ALK: variants seen among roughly 807,000 people sequenced by gnomAD.
ALK encodes ALK tyrosine kinase receptor.
In ALK, 74 loss-of-function variants were observed where a neutral mutation model predicts 163.1. That is an observed-to-expected ratio of 0.45 (90% CI 0.38 to 0.55). The LOEUF is 0.55. Ranked by LOEUF, ALK falls within the 20% of genes least tolerant of loss-of-function variation. The probability of loss-of-function intolerance (pLI) is 0.00; values close to 1 mark genes in which losing one functional copy is unlikely to be tolerated. For synonymous variants in ALK, 960 were observed against 843.2 expected (o/e 1.14, Z -2.40); for missense variants, 2,063 against 2,105.3 (o/e 0.98, Z 0.39).
At chr2:29,713,680 G>C (rs1679169496) in intron 2 of ALK, among the ~76,000 whole-genome samples, 1 of 152,024 alleles carries the variant, frequency 6.6e-6, no homozygotes, top group Admixed American at 6.6e-5. Flanking sequence ...TTTTCTAATG[G>C]CTCACCTACT....
chr2:29,302,213 G>A (rs1363529417), intron 8 of ALK, among the ~76,000 whole-genome samples: 2 of 152,192 alleles, frequency 1.3e-5, no homozygotes, highest in African/African-American at 4.8e-5. Context: ...GGAACAAATA[G>A]GAGAATTAAA....
chr2:29,225,612 C>T, intron 18 of ALK, 47 bp from the exon 19 acceptor site: 1 of 1,516,124 alleles, frequency 6.6e-7, no homozygotes. Context: ...ACCAGGTCTC[C>T]TTTGAGTTGG....
intron 3 of ALK, among the ~76,000 whole-genome samples, chr2:29,649,747 C>A (rs991706978): frequency 1.3e-5 from 2 of 152,254 alleles, no homozygotes; most frequent in South Asian, 2.1e-4. Flanking sequence ...CTCACCTCTG[C>A]CTGGCTTGTG....
intron 1 of ALK, among the ~76,000 whole-genome samples, chr2:29,915,837 A>C (rs1044189049): frequency 7.2e-5 from 11 of 152,098 alleles, no homozygotes; most frequent in African/African-American, 2.4e-4. Context: ...TGCCTCCCAA[A>C]CCCCTGGATA....
intron 1 of ALK, among the ~76,000 whole-genome samples, chr2:29,750,427 C>A (rs1680325048): frequency 6.6e-6 from 1 of 152,076 alleles, no homozygotes; most frequent in African/African-American, 2.4e-5. Context: ...CCTTTGGAGG[C>A]CAAGGTGGGA....
intron 3 of ALK, among the ~76,000 whole-genome samples, chr2:29,597,551 G>A (rs1480345044): frequency 6.6e-6 from 1 of 152,148 alleles, no homozygotes; most frequent in Non-Finnish European, 1.5e-5. Context: ...CAGGAAAGGT[G>A]ACTCATATGG....
chr2:29,642,309 A>T (rs1047712516), intron 3 of ALK, among the ~76,000 whole-genome samples: 1 of 152,216 alleles, frequency 6.6e-6, no homozygotes, highest in African/African-American at 2.4e-5. Context: ...CCAACTTTCT[A>T]GCAGAAGCAA....
At chr2:29,234,561 G>A (rs891423560) in intron 13 of ALK, among the ~76,000 whole-genome samples, 4 of 152,014 alleles carry the variant, frequency 2.6e-5, no homozygotes, top group Non-Finnish European at 5.9e-5. Flanking sequence ...GCCTTGTAGA[G>A]TGAGCCCTGC....
At chr2:29,229,930 T>C (rs1018132194) in intron 15 of ALK, among the ~76,000 whole-genome samples, 1 of 152,180 alleles carries the variant, frequency 6.6e-6, no homozygotes, top group Non-Finnish European at 1.5e-5. Context: ...TGGGGCTGCT[T>C]TGGGCTCTTA....
intron 1 of ALK, among the ~76,000 whole-genome samples, chr2:29,819,101 C>G (rs1324713619): frequency 6.6e-6 from 1 of 152,186 alleles, no homozygotes; most frequent in Non-Finnish European, 1.5e-5. Flanking sequence ...TCCCTCCAAT[C>G]AGGATCATCA....
rs751768897 is a variant in ALK at position 29,665,306 on chromosome 2, G to T, written c.952+29544C>A. Among the ~76,000 whole-genome samples, 4 of 151,720 alleles carry T rather than the reference G, an allele frequency of 2.6e-5. No individual in the cohort carries two copies. The South Asian group carries it at 8.3e-4, about 32-fold the overall frequency. On this transcript the variant is annotated intron_variant, in intron 3 of 28. Coordinates refer to ENST00000389048, the MANE Select transcript of ALK (RefSeq NM_004304.5). ...CTGGCCTCTGCTCCTCTTTGAGGCT[G>T]GCTTCCACAACCCCTGACCCTCCTA... is the stretch of plus-strand genomic sequence containing the variant.
intron 1 of ALK, among the ~76,000 whole-genome samples, chr2:29,851,894 C>T (rs1666003532): frequency 6.6e-6 from 1 of 152,300 alleles, no homozygotes; most frequent in East Asian, 1.9e-4. Context: ...TACAGATGGA[C>T]CAGCCAAGAT....
At chr2:29,890,375 T>C (rs1362575289) in intron 1 of ALK, 1 of 152,172 alleles carries the variant, frequency 6.6e-6, no homozygotes, top group Non-Finnish European at 1.5e-5. Flanking sequence ...TTCTATGCCC[T>C]GAGTTTTCTA....
At chr2:29,267,730 T>TA (rs1440501957) in intron 11 of ALK, among the ~76,000 whole-genome samples, 8 of 152,162 alleles carry the variant, frequency 5.3e-5, no homozygotes, top group South Asian at 2.1e-4. Flanking sequence ...CCGGATGAAT[T>TA]AAAAAAAATG....
intron 4 of ALK, among the ~76,000 whole-genome samples, chr2:29,487,198 G>T (rs898065253): frequency 6.6e-6 from 1 of 152,204 alleles, no homozygotes; most frequent in African/African-American, 2.4e-5. Flanking sequence ...AGAATTGCCA[G>T]TTTGGGAGTA....
At position 29,324,887 on chromosome 2, in the gene ALK, G is replaced by C. The variant is rs1333329412; in HGVS notation, c.1414+3463C>G. 2.0e-5 allele frequency among the ~76,000 whole-genome samples: 3 copies of C among 152,124 alleles called. No homozygotes were observed. In the East Asian group the frequency reaches 5.8e-4, roughly 29 times the overall value. Reference sequence around the variant, plus strand: ...GGAGAGAGTACAGTGGACATATGAGGATCATGATTGGCTAGAAAAAGGCAA... The same window carrying C: ...GGAGAGAGTACAGTGGACATATGAGCATCATGATTGGCTAGAAAAAGGCAA... On this transcript the variant is annotated intron_variant, in intron 6 of 28. Transcript: ENST00000389048.
chr2:29,254,184 A>G (rs1177509313), intron 11 of ALK, among the ~76,000 whole-genome samples: 1 of 152,216 alleles, frequency 6.6e-6, no homozygotes, highest in Non-Finnish European at 1.5e-5. Flanking sequence ...CTCTCCAGCC[A>G]TGCTGAACTG....
chr2:29,276,933 T>C (rs953211448), intron 9 of ALK, among the ~76,000 whole-genome samples: 4 of 152,130 alleles, frequency 2.6e-5, no homozygotes, highest in African/African-American at 4.8e-5. Context: ...TCTATAAATC[T>C]GTTGGAAGTC....
chr2:29,481,720 G>A (rs1671663160), intron 4 of ALK, among the ~76,000 whole-genome samples: 1 of 152,012 alleles, frequency 6.6e-6, no homozygotes, highest in Admixed American at 6.6e-5. Context: ...TGGCTTTCTG[G>A]GACTTCTCTC....
Sources: allele counts gnomAD v4.1 joint callset (sites outside exome capture counted in the v4.1 genomes callset), GRCh38; gene constraint gnomAD v4.1.1; transcripts MANE v1.5; gene names NCBI Gene and HGNC (gene_info 2026-07-23, HGNC 2026-07-21).